ZNF333: variants seen among roughly 807,000 people sequenced by gnomAD.
ZNF333 encodes zinc finger protein 333.
ZNF333 carries 61 observed loss-of-function variants against 76.1 expected under a neutral mutation model. That is an observed-to-expected ratio of 0.80 (90% CI 0.65 to 0.99). The LOEUF (loss-of-function observed/expected upper bound fraction) is 0.99, where lower values mean the gene tolerates loss of function less well. Among genes scored for constraint, ZNF333 ranks in the 50% least tolerant of loss-of-function variants. The probability of loss-of-function intolerance (pLI) is 0.00; values close to 1 mark genes in which losing one functional copy is unlikely to be tolerated. For missense variants in ZNF333, 717 were observed against 822.4 expected, an observed-to-expected ratio of 0.87 and a Z score of 1.57; for synonymous variants, 284 against 305.0, an observed-to-expected ratio of 0.93 and a Z score of 0.72.
Position 14,727,296 on chromosome 19 carries a change from G to A in ZNF333, c.901-3879G>A, listed in dbSNP as rs547704429. On this transcript the variant is annotated intron_variant, in intron 11 of 11. Transcript: ENST00000540689. ...GCCCGCCTTGGCCTCCCAAAATGCTGGGATTACAGGTGTGAGCCACCAAGC... is the reference window on the plus strand; with the variant it reads ...GCCCGCCTTGGCCTCCCAAAATGCTAGGATTACAGGTGTGAGCCACCAAGC... Among the ~76,000 whole-genome samples, 13 of 152,254 alleles carry A rather than the reference G, an allele frequency of 8.5e-5. No homozygotes were observed. The South Asian group carries it at 2.3e-3, about 27-fold the overall frequency.
At position 14,720,102 on chromosome 19, in the gene ZNF333, T is replaced by G; in HGVS notation, c.*777T>G. On this transcript the variant is annotated 3_prime_UTR_variant, in exon 12 of 12. Coordinates refer to ENST00000292530, the MANE Select transcript of ZNF333 (RefSeq NM_032433.4). The stretch of plus-strand genomic sequence containing the variant: ...TTGGGAGGCTGAGGCAGGAGAATTC[T>G]TTGAACCCAGGAGGCAGAGGTTGCA... The G allele has an allele frequency of 2.4e-6, 2 of 831,862 alleles. No individual in the cohort carries two copies. The highest frequency in any genetic ancestry group is 2.9e-6 in the Non-Finnish European group (2 of 690,132). The allele number at this position is 831,862 out of a possible 1,614,324, so 51.5% of individuals were successfully genotyped here.
At position 14,720,689 on chromosome 19, in the gene ZNF333, A is replaced by G; in HGVS notation, c.*1364A>G. 1 of 985,382 alleles carries G rather than the reference A, an allele frequency of 1.0e-6. No individual in the cohort carries two copies. The highest frequency in any genetic ancestry group is 4.7e-5 in the South Asian group (1 of 21,290). 61.0% of individuals were successfully genotyped at this position (985,382 alleles called of 1,614,324 possible). On this transcript the variant is annotated 3_prime_UTR_variant, in exon 12 of 12. Coordinates refer to ENST00000292530, the MANE Select transcript of ZNF333 (RefSeq NM_032433.4). ...ACTTAGTATATGTCAGTTTTTATAA[A>G]TGCTTCATGGATGGTTGAAATCAAT...
At chr19:14,710,254 C>T (rs1157622523) in intron 7 of ZNF333, among the ~76,000 whole-genome samples, 3 of 152,188 alleles carry the variant, frequency 2.0e-5, no homozygotes, top group Non-Finnish European at 2.9e-5. Flanking sequence ...TTAACAGAAC[C>T]GCACCCCCCA....
intron 7 of ZNF333, among the ~76,000 whole-genome samples, chr19:14,713,484 T>C (rs564867411): frequency 2.0e-5 from 3 of 152,082 alleles, no homozygotes; most frequent in East Asian, 3.9e-4. Context: ...ATCATGAAGT[T>C]TGGGAATTGA....
At position 14,718,857 on chromosome 19, in the gene ZNF333, G is replaced by C; in HGVS notation, c.1530G>C (p.Gln510His). 6.2e-7 allele frequency: 1 copy of C among 1,614,180 alleles called. No individual in the cohort carries two copies. The highest frequency in any genetic ancestry group is 8.5e-7 in the Non-Finnish European group (1 of 1,180,032). The change falls in exon 12 of 12, where the codon CAG (glutamine) becomes CAC (histidine). Residue 510 changes from glutamine to histidine, a missense_variant. Physicochemically the swap from Gln to His is conservative, Grantham distance 24. Coordinates refer to ENST00000292530, the MANE Select transcript of ZNF333 (RefSeq NM_032433.4). ...GAGAGAAACCATATGAATGCAACCA[G>C]TGTGGCAAGCCCTTCCGGACGAGCA... ...HTREKPYECN[Q>H]CGKPFRTSTH... is the part of the protein sequence containing the mutation.
intron 11 of ZNF333, among the ~76,000 whole-genome samples, chr19:14,728,881 C>T (rs2524365): frequency 0.36 from 54,648 of 152,048 alleles, 10,078 homozygotes; most frequent in Middle Eastern, 0.5. Flanking sequence ...ATATCCTTAA[C>T]GCAATCCCTG....
chr19:14,730,929 T>C (rs909636614), intron 11 of ZNF333, among the ~76,000 whole-genome samples: 5 of 151,924 alleles, frequency 3.3e-5, no homozygotes, highest in African/African-American at 1.2e-4. Flanking sequence ...CTAAGTTAAT[T>C]CACTTAGGAT....
Position 14,719,424 on chromosome 19 carries a change from T to C in ZNF333, c.*99T>C. 7.6e-7 allele frequency: 1 copy of C among 1,321,840 alleles called. No individual in the cohort carries two copies. The highest frequency in any genetic ancestry group is 1.0e-6 in the Non-Finnish European group (1 of 988,632). 81.9% of individuals were successfully genotyped at this position (1,321,840 alleles called of 1,614,324 possible). A position where few individuals can be genotyped will look rare whatever the true frequency, so the allele number is the denominator to read the frequency against. On this transcript the variant is annotated 3_prime_UTR_variant, in exon 12 of 12. Transcript: ENST00000292530. ...GTTTCAATGTATAATATTTTCATTT[T>C]GGTTTAATTGTAAGTATTGTCTTAA... is the stretch of plus-strand genomic sequence containing the variant.
intron 2 of ZNF333, 45 bp from the exon 3 acceptor site, chr19:14,694,965 G>A: frequency 6.2e-7 from 1 of 1,613,038 alleles, no homozygotes; most frequent in African/African-American, 1.3e-5. Flanking sequence ...TCTGCTCAGT[G>A]GTGGGGGTGG....
At chr19:14,708,354 T>C (rs2042178454) in intron 7 of ZNF333, 1 of 401,176 alleles carries the variant, frequency 2.5e-6, no homozygotes, top group Non-Finnish European at 4.4e-6. Context: ...TGTCATCCGA[T>C]GGTGAGATGG....
Position 14,717,678 on chromosome 19 carries a change from A to G in ZNF333, c.845A>G (p.Glu282Gly). ...TCAEPQCQPQ[E>G]AIPSQDTFTE... ...TCAGAACCTCAGTGTCAACCCCAAG[A>G]GGCAATTCCTAGCCAAGATACTTTT... The change falls in exon 11 of 12, where the codon GAG (glutamate) becomes GGG (glycine). Residue 282 changes from glutamate (E) to glycine (G), a missense_variant. Physicochemically the swap from Glu to Gly is moderately conservative, Grantham distance 98. Transcript: ENST00000292530. 6.2e-7 allele frequency: 1 copy of G among 1,614,122 alleles called. No individual in the cohort carries two copies. Among genetic ancestry groups the G allele is most frequent in the Non-Finnish European group, 8.5e-7 (1 of 1,179,990 alleles).
In ZNF333 at chr19:14,717,002, C is replaced by G; in HGVS notation, c.736C>G (p.Leu246Val). 1 of 1,611,362 alleles carries G rather than the reference C, an allele frequency of 6.2e-7. No individual in the cohort carries two copies. The highest frequency in any genetic ancestry group is 8.5e-7 in the Non-Finnish European group (1 of 1,178,600). Residue 246 changes from leucine (L) to valine (V), a missense_variant, in exon 10 of 12, where the codon CTG (leucine) becomes GTG (valine). By Grantham distance (32) the Leu-to-Val change is conservative. Coordinates refer to ENST00000292530, the MANE Select transcript of ZNF333 (RefSeq NM_032433.4). ...TTTTTTCTCATGAGCAGCTGATCAA[C>G]TGTGCAAACCCAATGCGTTGTCTTA... ...YRNLASVADQ[L>V]CKPNALSYLE...
At chr19:14,729,915 T>G (rs2042656946) in intron 11 of ZNF333, among the ~76,000 whole-genome samples, 1 of 152,194 alleles carries the variant, frequency 6.6e-6, no homozygotes, top group South Asian at 2.1e-4. Flanking sequence ...AAAATGCCAG[T>G]GGGATCCCTG....
intron 2 of ZNF333, among the ~76,000 whole-genome samples, chr19:14,694,683 TC>T (rs1200894784): frequency 6.6e-6 from 1 of 152,112 alleles, no homozygotes; most frequent in African/African-American, 2.4e-5. Flanking sequence ...CCATCACAAG[TC>T]AGTGGAGTTA....
chr19:14,705,069 C>T lies in ZNF333; in HGVS notation c.322C>T (p.Leu108=). 6.2e-7 allele frequency: 1 copy of T among 1,614,020 alleles called. No homozygotes were observed. The highest frequency in any genetic ancestry group is 1.7e-4 in the Middle Eastern group (1 of 6,046). The part of the protein sequence containing the change: ...RDMQMGPGLF[L]RMQLVPSIEE... ...CTTTTGCCAGGGGCCGGGGCTGTTC[C>T]TGAGGATGCAGCTGGTGCCCTCCAT... The change falls in exon 6 of 12, where the codon CTG becomes TTG. Residue 108 remains leucine (L), a synonymous_variant. Coordinates refer to ENST00000292530, the MANE Select transcript of ZNF333 (RefSeq NM_032433.4).
downstream of ZNF333, among the ~76,000 whole-genome samples, chr19:14,726,787 C>A (rs1055895330): frequency 2.6e-5 from 4 of 152,158 alleles, no homozygotes; most frequent in African/African-American, 4.8e-5. Flanking sequence ...CTCAGCCTGA[C>A]CTTCACTGTC....
At chr19:14,704,923 A>T (rs1404417383) in intron 5 of ZNF333, 131 bp from the exon 6 acceptor site, 2 of 743,508 alleles carry the variant, frequency 2.7e-6, no homozygotes, top group Admixed American at 5.2e-5. Flanking sequence ...GATTATGGGC[A>T]TGAGCCACTG....
chr19:14,712,249 T>C (rs1014725778), intron 7 of ZNF333, among the ~76,000 whole-genome samples: 1 of 151,798 alleles, frequency 6.6e-6, no homozygotes, highest in African/African-American at 2.4e-5. Flanking sequence ...AGACATAGTC[T>C]TGCTCCGTTG....
chr19:14,717,171 C>CTGT, intron 10 of ZNF333, 82 bp downstream of exon 10: 1 of 1,104,054 alleles, frequency 9.1e-7, no homozygotes, highest in Admixed American at 2.5e-5. Context: ...ATCAGGGCAA[C>CTGT]CTATTCATAC....
Sources: gnomAD v4.1 joint callset for allele counts (sites outside exome capture counted in the v4.1 genomes callset) on GRCh38, gnomAD v4.1.1 for gene constraint, MANE v1.5 for transcripts, NCBI Gene and HGNC (gene_info 2026-07-23, HGNC 2026-07-21) for gene names.